Variants in RAB38 observed in about 807,000 individuals in gnomAD.
The protein encoded by RAB38 is RAB38, member RAS oncogene family, also known as ras-related protein Rab-38.
In RAB38, 15 loss-of-function variants were observed where a neutral mutation model predicts 18.4. The observed-to-expected ratio is 0.82, with a 90% CI of 0.55 to 1.26. RAB38 has a LOEUF of 1.26. RAB38 is among the 50% of genes most tolerant of loss of function. The probability of loss-of-function intolerance (pLI) is 0.00; values close to 1 mark genes in which losing one functional copy is unlikely to be tolerated. For missense variants in RAB38, 294 were observed against 267.4 expected, an observed-to-expected ratio of 1.10 and a Z score of -0.69; for synonymous variants, 101 against 104.4, an observed-to-expected ratio of 0.97 and a Z score of 0.20.
chr11:88,155,353 C>T (rs1298967720), intron 1 of RAB38, among the ~76,000 whole-genome samples: 1 of 152,134 alleles, frequency 6.6e-6, no homozygotes, highest in Non-Finnish European at 1.5e-5. Flanking sequence ...AGCCTGCTAT[C>T]ATGCATAAGC....
the RAB38 span, among the ~76,000 whole-genome samples, chr11:88,020,607 T>C: frequency 3.3e-5 from 5 of 152,182 alleles, no homozygotes; most frequent in Admixed American, 6.5e-5. Flanking sequence ...ATGGACTTAA[T>C]AGATATTTAC....
chr11:87,804,301 T>C, the RAB38 span, among the ~76,000 whole-genome samples: 1 of 152,168 alleles, frequency 6.6e-6, no homozygotes, highest in Non-Finnish European at 1.5e-5. Context: ...TGCATTGTCC[T>C]AGCATTAACT....
intron 1 of RAB38, among the ~76,000 whole-genome samples, chr11:88,172,118 T>C (rs1390681917): frequency 6.6e-6 from 1 of 152,242 alleles, no homozygotes; most frequent in Non-Finnish European, 1.5e-5. Context: ...GGCTTGACTC[T>C]GAGTGAAACG....
At chr11:88,079,366 G>T in the RAB38 span, among the ~76,000 whole-genome samples, 1 of 151,726 alleles carries the variant, frequency 6.6e-6, no homozygotes, top group Non-Finnish European at 1.5e-5. Flanking sequence ...ATCATAGCTC[G>T]TGTAAGGAAA....
At chr11:88,007,392 C>T in the RAB38 span, among the ~76,000 whole-genome samples, 1 of 151,332 alleles carries the variant, frequency 6.6e-6, no homozygotes, top group Non-Finnish European at 1.5e-5. Context: ...TAATTTGTAT[C>T]CTAAATAGCT....
the RAB38 span, among the ~76,000 whole-genome samples, chr11:87,944,801 T>TATCA: frequency 6.6e-6 from 1 of 152,248 alleles, no homozygotes; most frequent in East Asian, 1.9e-4. Flanking sequence ...TTGAGCACCC[T>TATCA]ATCATCCCCT....
the RAB38 span, among the ~76,000 whole-genome samples, chr11:88,072,028 T>C: frequency 5.8e-4 from 88 of 152,260 alleles, 1 homozygote; most frequent in East Asian, 2.1e-3. Flanking sequence ...ATGTCCAATA[T>C]TCAGTAAAAA....
chr11:88,161,191 G>A (rs764718491), intron 1 of RAB38, among the ~76,000 whole-genome samples: 29 of 151,972 alleles, frequency 1.9e-4, no homozygotes, highest in Non-Finnish European at 3.7e-4. Flanking sequence ...CCTTCAAAGT[G>A]CTCCATGGCC....
intron 1 of RAB38, among the ~76,000 whole-genome samples, chr11:88,172,747 G>A (rs1033594505): frequency 1.3e-5 from 2 of 152,182 alleles, no homozygotes; most frequent in African/African-American, 4.8e-5. Flanking sequence ...TAACCCACAT[G>A]GCTCCCTATG....
the RAB38 span, among the ~76,000 whole-genome samples, chr11:87,903,518 G>A: frequency 6.6e-6 from 1 of 151,494 alleles, no homozygotes; most frequent in Non-Finnish European, 1.5e-5. Flanking sequence ...GGTCTCTTGT[G>A]TGTTTGTATT....
At position 88,122,205 on chromosome 11, in the gene RAB38, T is replaced by C. The variant is rs147346403; in HGVS notation, c.484-8065A>G. Among the ~76,000 whole-genome samples the C allele has an allele frequency of 1.3e-3, 199 of 152,310 alleles. 1 individual carries two copies. The highest frequency in any genetic ancestry group is 2.4e-3 in the Non-Finnish European group (160 of 68,034). On this transcript the variant is annotated intron_variant, in intron 2 of 2. Coordinates refer to ENST00000243662, the MANE Select transcript of RAB38 (RefSeq NM_022337.3). Reference sequence around the variant, plus strand: ...AGTTTACTATTCCCGAGATACATTTTCCAAATCCAATATATAATGTATGAC... The same window carrying C: ...AGTTTACTATTCCCGAGATACATTTCCCAAATCCAATATATAATGTATGAC...
chr11:88,126,152 T>C (rs544863742), intron 2 of RAB38, among the ~76,000 whole-genome samples: 2 of 152,342 alleles, frequency 1.3e-5, no homozygotes, highest in Admixed American at 6.5e-5. Context: ...GGTAGCGTGA[T>C]GCCTCCAGCT....
the RAB38 span, among the ~76,000 whole-genome samples, chr11:87,889,021 A>C: frequency 6.6e-6 from 1 of 151,946 alleles, no homozygotes; most frequent in Non-Finnish European, 1.5e-5. Flanking sequence ...AAAGGGAAAA[A>C]CACACAGAAC....
At chr11:87,976,233 A>G in the RAB38 span, among the ~76,000 whole-genome samples, 16 of 146,488 alleles carry the variant, frequency 1.1e-4, no homozygotes, top group East Asian at 2.6e-3. Flanking sequence ...ACCTATATAT[A>G]TATACACCTT....
At chr11:87,975,495 C>T in the RAB38 span, among the ~76,000 whole-genome samples, 28 of 151,784 alleles carry the variant, frequency 1.8e-4, no homozygotes, top group Non-Finnish European at 1.2e-4. Flanking sequence ...AACTACAACA[C>T]GAAATGGAGA....
the RAB38 span, among the ~76,000 whole-genome samples, chr11:87,947,013 T>TA: frequency 6.6e-6 from 1 of 151,966 alleles, no homozygotes; most frequent in Non-Finnish European, 1.5e-5. Flanking sequence ...ACCAACAGTG[T>TA]AAAAGTGTTC....
At chr11:87,975,223 A>G in the RAB38 span, among the ~76,000 whole-genome samples, 1 of 151,834 alleles carries the variant, frequency 6.6e-6, no homozygotes, top group Admixed American at 6.6e-5. Flanking sequence ...GCAGATCCCC[A>G]ATTAGGTGCA....
At chr11:87,887,740 A>G in the RAB38 span, among the ~76,000 whole-genome samples, 3 of 151,970 alleles carry the variant, frequency 2.0e-5, no homozygotes, top group African/African-American at 7.2e-5. Flanking sequence ...TAGCTAAAGG[A>G]AAAAGGCAAA....
rs566926099 is a variant in RAB38 at position 88,134,783 on chromosome 11, G to A, written c.483+14892C>T. Among the ~76,000 whole-genome samples, 19 of 152,222 alleles carry A rather than the reference G, an allele frequency of 1.2e-4. No individual in the cohort carries two copies. The South Asian group carries it at 2.7e-3, about 22-fold the overall frequency. On this transcript the variant is annotated intron_variant, in intron 2 of 2. Transcript: ENST00000243662. ...TCAGGTTCAACAAAACCACTGCAAC[G>A]ATCCTTTAGATCAAATTATATCACA...
Sources: gnomAD v4.1 joint callset for allele counts (sites outside exome capture counted in the v4.1 genomes callset) on GRCh38, gnomAD v4.1.1 for gene constraint, MANE v1.5 for transcripts, NCBI Gene and HGNC (gene_info 2026-07-23, HGNC 2026-07-21) for gene names.